SDK1: variants seen among roughly 807,000 people sequenced by gnomAD.
SDK1 encodes the protein sidekick cell adhesion molecule 1, also known as protein sidekick-1.
Under a neutral mutation model 245.5 loss-of-function variants are expected in SDK1, and 157 were observed. The observed-to-expected ratio is 0.64, with a 90% CI of 0.56 to 0.73. The LOEUF is 0.73. Ranked by LOEUF, SDK1 falls within the 30% of genes least tolerant of loss-of-function variation. SDK1 has a pLI of 0.00. For missense variants in SDK1, 3,583 were observed against 3,002.3 expected, an observed-to-expected ratio of 1.19 and a Z score of -4.52; for synonymous variants, 1,647 against 1,278.5, an observed-to-expected ratio of 1.29 and a Z score of -6.15.
chr7:4,052,547 C>T (rs1023428908), intron 19 of SDK1, among the ~76,000 whole-genome samples: 1 of 151,752 alleles, frequency 6.6e-6, no homozygotes, highest in Non-Finnish European at 1.5e-5. Context: ...AAAAATTGTG[C>T]GCAAAAATGG....
intron 1 of SDK1, among the ~76,000 whole-genome samples, chr7:3,501,161 T>C (rs1782198444): frequency 6.6e-6 from 1 of 152,188 alleles, no homozygotes; most frequent in African/African-American, 2.4e-5. Context: ...GGCATATTAT[T>C]TCATTGCAGG....
At chr7:3,820,542 A>G (rs1169868147) in intron 4 of SDK1, among the ~76,000 whole-genome samples, 2 of 152,188 alleles carry the variant, frequency 1.3e-5, no homozygotes, top group African/African-American at 4.8e-5. Flanking sequence ...TAAAACACCC[A>G]TTTCAAATAA....
At chr7:4,081,567 C>T (rs188074377) in intron 22 of SDK1, among the ~76,000 whole-genome samples, 2 of 151,924 alleles carry the variant, frequency 1.3e-5, no homozygotes, top group African/African-American at 4.8e-5. Flanking sequence ...GCTACAGGCA[C>T]CCGCCACCCA....
chr7:3,861,782 C>G (rs1227605247), intron 5 of SDK1, among the ~76,000 whole-genome samples: 2 of 152,088 alleles, frequency 1.3e-5, no homozygotes, highest in Non-Finnish European at 2.9e-5. Context: ...TAATTTTACC[C>G]TCTCCCGTCA....
At chr7:3,303,849 T>C (rs913180489) in intron 1 of SDK1, among the ~76,000 whole-genome samples, 3 of 152,242 alleles carry the variant, frequency 2.0e-5, no homozygotes, top group East Asian at 3.8e-4. Context: ...GGTGCTGTTA[T>C]AAGAGATTTC....
intron 1 of SDK1, among the ~76,000 whole-genome samples, chr7:3,539,900 A>G (rs891515284): frequency 1.3e-5 from 2 of 152,236 alleles, no homozygotes; most frequent in African/African-American, 4.8e-5. Context: ...TGGAGGGCAC[A>G]TGCCTCATCT....
chr7:4,051,844 T>C lies in SDK1; in HGVS notation c.2911+14T>C, dbSNP rs770717108. On this transcript the variant is annotated intron_variant, in intron 19 of 44. Transcript: ENST00000404826. ...CTCAGGAAGACAGTGAGTATTCCTT[T>C]CTGCGTGTCTCTTAAGTCACTTGTC... is the stretch of plus-strand genomic sequence containing the variant. 1.4e-5 allele frequency: 22 copies of C among 1,596,936 alleles called. No homozygotes were observed. The East Asian group carries it at 2.9e-4, about 21-fold the overall frequency.
chr7:3,750,761 A>G (rs891737816), intron 4 of SDK1, among the ~76,000 whole-genome samples: 1 of 152,222 alleles, frequency 6.6e-6, no homozygotes, highest in South Asian at 2.1e-4. Context: ...CATGCAAAGA[A>G]TCTTTGTCAG....
intron 1 of SDK1, among the ~76,000 whole-genome samples, chr7:3,489,938 TAGTCAAAGGC>T (rs2128604790): frequency 6.6e-6 from 1 of 152,308 alleles, no homozygotes; most frequent in South Asian, 2.1e-4. Context: ...ACACATAAAA[TAGTCAAAGGC>T]TAATACATTT....
intron 8 of SDK1, among the ~76,000 whole-genome samples, chr7:3,962,437 G>C (rs950337555): frequency 7.9e-5 from 12 of 152,212 alleles, no homozygotes; most frequent in African/African-American, 2.7e-4. Context: ...ACCGCAGCCA[G>C]GGCGGCCACA....
chr7:3,674,978 A>G (rs536061288), intron 4 of SDK1, among the ~76,000 whole-genome samples: 2 of 152,246 alleles, frequency 1.3e-5, no homozygotes, highest in South Asian at 4.2e-4. Context: ...GAGGAACAAT[A>G]GTCTTCTTGG....
At chr7:3,375,234 T>G (rs1781325323) in intron 1 of SDK1, among the ~76,000 whole-genome samples, 1 of 151,648 alleles carries the variant, frequency 6.6e-6, no homozygotes, top group South Asian at 2.1e-4. Flanking sequence ...CAAACACTAG[T>G]GGAGACTTGC....
At chr7:3,950,496 T>C (rs1279498545) in intron 5 of SDK1, among the ~76,000 whole-genome samples, 8 of 152,230 alleles carry the variant, frequency 5.3e-5, no homozygotes, top group Admixed American at 1.3e-4. Context: ...TAACTTTCAT[T>C]ACATTATGTT....
chr7:3,397,568 G>A (rs1778753716), intron 1 of SDK1, among the ~76,000 whole-genome samples: 1 of 151,636 alleles, frequency 6.6e-6, no homozygotes, highest in Non-Finnish European at 1.5e-5. Context: ...TCTTATAGAG[G>A]ATTCCCTGTA....
intron 40 of SDK1, among the ~76,000 whole-genome samples, chr7:4,228,290 G>A (rs1785555822): frequency 1.3e-5 from 2 of 149,038 alleles, no homozygotes; most frequent in Admixed American, 6.7e-5. Flanking sequence ...GTGCTCTTTC[G>A]GGCAGCCAGG....
At chr7:3,584,374 C>A (rs190908911) in intron 1 of SDK1, among the ~76,000 whole-genome samples, 2 of 152,152 alleles carry the variant, frequency 1.3e-5, no homozygotes, top group African/African-American at 4.8e-5. Flanking sequence ...TCCCTTCAAG[C>A]CCCACATGAC....
chr7:4,224,986 A>G, intron 40 of SDK1, among the ~76,000 whole-genome samples: 1 of 69,162 alleles, frequency 1.4e-5, no homozygotes, highest in Non-Finnish European at 2.6e-5. Flanking sequence ...CTGTCTCAAA[A>G]AAAAAAAAAA....
chr7:3,434,922 A>G (rs927356490), intron 1 of SDK1, among the ~76,000 whole-genome samples: 3 of 152,196 alleles, frequency 2.0e-5, no homozygotes, highest in African/African-American at 7.2e-5. Flanking sequence ...ATGTTTTCTC[A>G]TCTCACAGGT....
chr7:3,750,633 G>C lies in SDK1; in HGVS notation c.714-70817G>C, dbSNP rs549072678. 2.5e-3 allele frequency among the ~76,000 whole-genome samples: 387 copies of C among 152,258 alleles called. 3 individuals are homozygous for C. Among genetic ancestry groups the C allele is most frequent in the Non-Finnish European group, 2.7e-3 (185 of 68,028 alleles). On this transcript the variant is annotated intron_variant, in intron 4 of 44. Transcript: ENST00000404826. ...GTCAGCGGATGGAAAATGAGCAAGAGGAAGCATCAGCGCTCTGACTGAACT... is the reference window on the plus strand; with the variant it reads ...GTCAGCGGATGGAAAATGAGCAAGACGAAGCATCAGCGCTCTGACTGAACT...
Sources: gnomAD v4.1 joint callset for allele counts (sites outside exome capture counted in the v4.1 genomes callset) on GRCh38, gnomAD v4.1.1 for gene constraint, MANE v1.5 for transcripts, NCBI Gene and HGNC (gene_info 2026-07-23, HGNC 2026-07-21) for gene names.